Variants in GPR19 observed in about 807,000 individuals in gnomAD.
GPR19 encodes probable G protein-coupled receptor 19.
A neutral mutation model predicts 28.5 loss-of-function variants in GPR19; 14 were observed. The observed-to-expected ratio is 0.49, with a 90% CI of 0.32 to 0.77. The LOEUF is 0.77. Among genes scored for constraint, GPR19 ranks in the 30% least tolerant of loss-of-function variants. The pLI, the probability that GPR19 is intolerant of heterozygous loss-of-function variation, is 0.03. For missense variants in GPR19, 409 were observed against 504.1 expected (o/e 0.81, Z 1.81); for synonymous variants, 173 against 184.1 (o/e 0.94, Z 0.49).
At chr12:12,696,407 G>C (rs1946263981), upstream of GPR19, among the ~76,000 whole-genome samples, 1 of 126,588 alleles carries the variant, frequency 7.9e-6, no homozygotes, top group South Asian at 2.7e-4. Context: ...TAGTGCTGCA[G>C]TCAAATGAAA....
chr12:12,685,734 C>A (rs1168654792), intron 2 of GPR19, among the ~76,000 whole-genome samples: 4 of 152,150 alleles, frequency 2.6e-5, no homozygotes, highest in Admixed American at 1.3e-4. Context: ...TGCTTCTTTC[C>A]TTAAAAATCT....
intron 3 of GPR19, among the ~76,000 whole-genome samples, chr12:12,665,975 C>G (rs745661748): frequency 3.3e-5 from 5 of 151,832 alleles, no homozygotes; most frequent in Non-Finnish European, 7.4e-5. Flanking sequence ...CAGTTTTGCC[C>G]GGGTAAGGGG....
At chr12:12,671,291 G>T (rs1359733485) in intron 3 of GPR19, among the ~76,000 whole-genome samples, 1 of 136,122 alleles carries the variant, frequency 7.3e-6, no homozygotes, top group African/African-American at 2.7e-5. Flanking sequence ...AGACAACACA[G>T]TGAGACTCCC....
chr12:12,666,323 T>C (rs955586942), intron 3 of GPR19, among the ~76,000 whole-genome samples: 2 of 152,228 alleles, frequency 1.3e-5, no homozygotes, highest in African/African-American at 4.8e-5. Context: ...TATTAGCATA[T>C]CCAGAATGGT....
the GPR19 span, among the ~76,000 whole-genome samples, chr12:12,711,171 G>A: frequency 1.3e-5 from 2 of 151,828 alleles, no homozygotes; most frequent in African/African-American, 4.8e-5. Flanking sequence ...GCACGTGCCT[G>A]CAATCCCAGC....
At chr12:12,684,134 T>G (rs995175757) in intron 3 of GPR19, 3 of 152,204 alleles carry the variant, frequency 2.0e-5, no homozygotes, top group East Asian at 3.8e-4. Context: ...ATTATCACTA[T>G]ACACAATTTC....
upstream of GPR19, among the ~76,000 whole-genome samples, chr12:12,697,153 TAAAAAAAAA>T (rs386375639): frequency 1.2e-4 from 6 of 48,846 alleles, no homozygotes; most frequent in Non-Finnish European, 1.8e-4. Context: ...TGAAGCGAAG[TAAAAAAAAA>T]AAAAAAAAAA....
At chr12:12,685,263 G>A (rs975951057) in intron 2 of GPR19, among the ~76,000 whole-genome samples, 5 of 77,202 alleles carry the variant, frequency 6.5e-5, no homozygotes, top group Admixed American at 2.2e-4. Context: ...TTTAAATATG[G>A]TCTTTTTTTT....
rs773039566 is a variant in GPR19, at chr12:12,661,570, A to G, written c.879T>C (p.His293=). The G allele has an allele frequency of 3.7e-6, 6 of 1,614,172 alleles. No homozygotes were observed. Among genetic ancestry groups the G allele is most frequent in the East Asian group, 2.2e-5 (1 of 44,892 alleles). The change falls in exon 4 of 4, where the codon CAT becomes CAC. Residue 293 remains histidine (H), a synonymous_variant. Transcript: ENST00000651487. The surrounding 1 kb of genome is among the most constrained non-coding windows in gnomAD (Gnocchi z 4.2). Reference sequence around the variant, plus strand: ...CATGGGGGTGCCATAGCTGAGCTACATGAAAAGGCAGCCAGGAGAGCAAAA... The same window carrying G: ...CATGGGGGTGCCATAGCTGAGCTACGTGAAAAGGCAGCCAGGAGAGCAAAA... The part of the protein sequence containing the change: ...LLFLLSWLPF[H]VAQLWHPHEQ...
chr12:12,678,347 C>T (rs1945967135), intron 3 of GPR19, among the ~76,000 whole-genome samples: 1 of 152,112 alleles, frequency 6.6e-6, no homozygotes, highest in Non-Finnish European at 1.5e-5. Flanking sequence ...TTATTTGCAA[C>T]ATGCTCTGTT....
At chr12:12,678,006 G>A (rs146123564) in intron 3 of GPR19, among the ~76,000 whole-genome samples, 5,439 of 150,606 alleles carry the variant, frequency 0.036, 173 homozygotes, top group Middle Eastern at 0.085. Flanking sequence ...CCTGGGAGGC[G>A]GAGGTTGCGG....
rs542625386 is a variant in GPR19 at position 12,672,286 on chromosome 12, A to G, written c.-22-9816T>C. The stretch of plus-strand genomic sequence containing the variant: ...TGGGGGTGACCACCCCCACGGATGT[A>G]TAAAGAATACTATCTAATATTTCTC... On this transcript the variant is annotated intron_variant, in intron 3 of 3. Coordinates refer to ENST00000651487, the MANE Select transcript of GPR19 (RefSeq NM_006143.3). Among the ~76,000 whole-genome samples, 32 of 152,320 alleles carry G rather than the reference A, an allele frequency of 2.1e-4. No homozygotes were observed. In the South Asian group the frequency reaches 2.9e-3, roughly 14 times the overall value.
chr12:12,716,744 C>T, the GPR19 span: 1 of 985,300 alleles, frequency 1.0e-6, no homozygotes, highest in Non-Finnish European at 1.2e-6. Context: ...TCCCTAGGCC[C>T]CCAGCCTCCC....
chr12:12,714,443 A>C, the GPR19 span, among the ~76,000 whole-genome samples: 1 of 152,204 alleles, frequency 6.6e-6, no homozygotes. Flanking sequence ...TGTCTATGAC[A>C]CAGGTGTTTT....
chr12:12,694,601 C>T (rs1946236241), intron 2 of GPR19, among the ~76,000 whole-genome samples: 1 of 152,182 alleles, frequency 6.6e-6, no homozygotes, highest in South Asian at 2.1e-4. Context: ...GTACTTTACA[C>T]TAAGTTCTAT....
upstream of GPR19, among the ~76,000 whole-genome samples, chr12:12,697,171 A>AAAAAAAAAAAAC (rs1946278727): frequency 6.7e-6 from 1 of 149,674 alleles, no homozygotes; most frequent in Non-Finnish European, 1.5e-5. Flanking sequence ...AAAAAAAAAA[A>AAAAAAAAAAAAC]AAAAAAGCAG....
chr12:12,662,083 G>A lies in GPR19; in HGVS notation c.366C>T (p.Val122=). 25 of 1,614,238 alleles carry A rather than the reference G, an allele frequency of 1.5e-5. No individual in the cohort carries two copies. The highest frequency in any genetic ancestry group is 1.8e-5 in the Non-Finnish European group (21 of 1,180,028). The part of the protein sequence containing the change: ...LLISVASTPF[V]LLQFTTGRWT... ...ACCTTCCAGTGGTGAACTGGAGCAG[G>A]ACGAAAGGCGTGCTGGCAACGCTGA... The change falls in exon 4 of 4, where the codon GTC becomes GTT. Residue 122 remains valine (V), a synonymous_variant. Coordinates refer to ENST00000651487, the MANE Select transcript of GPR19 (RefSeq NM_006143.3).
chr12:12,678,947 C>T (rs761929190), intron 3 of GPR19, among the ~76,000 whole-genome samples: 6 of 152,096 alleles, frequency 3.9e-5, no homozygotes, highest in Admixed American at 6.5e-5. Flanking sequence ...CAGGTGCACG[C>T]CACCACGCCC....
At chr12:12,688,542 G>A (rs1383905267) in intron 2 of GPR19, 11 of 152,210 alleles carry the variant, frequency 7.2e-5, no homozygotes, top group African/African-American at 2.4e-4. Flanking sequence ...CTCAGGGTAA[G>A]GGATTTCTGC....
Sources: gnomAD v4.1 joint callset for allele counts (sites outside exome capture counted in the v4.1 genomes callset) on GRCh38, gnomAD v4.1.1 for gene constraint, Gnocchi (gnomAD v3.1) non-coding constraint, MANE v1.5 for transcripts, NCBI Gene and HGNC (gene_info 2026-07-23, HGNC 2026-07-21) for gene names.